Variants in DGKB observed in about 807,000 individuals in gnomAD.
The protein encoded by DGKB is 90 kDa diacylglycerol kinase.
A neutral mutation model predicts 114.3 loss-of-function variants in DGKB; 67 were observed. That is an observed-to-expected ratio of 0.59 (90% confidence interval 0.48 to 0.72). The LOEUF is 0.72. DGKB is among the 30% of genes least tolerant of loss of function. The pLI, the probability that DGKB is intolerant of heterozygous loss-of-function variation, is 0.00. For synonymous variants in DGKB, 398 were observed against 323.1 expected (o/e 1.23, Z -2.49); for missense variants, 907 against 975.2 (o/e 0.93, Z 0.93).
At chr7:14,347,280 A>G (rs1366037349) in intron 21 of DGKB, among the ~76,000 whole-genome samples, 1 of 152,014 alleles carries the variant, frequency 6.6e-6, no homozygotes, top group Non-Finnish European at 1.5e-5. Context: ...TTTTCAAAAT[A>G]CCTCAGATAA....
At chr7:14,715,543 C>G (rs770087742) in intron 6 of DGKB, among the ~76,000 whole-genome samples, 1 of 152,056 alleles carries the variant, frequency 6.6e-6, no homozygotes, top group Non-Finnish European at 1.5e-5. Flanking sequence ...CACACATGCA[C>G]GTATGCATGC....
intron 17 of DGKB, among the ~76,000 whole-genome samples, chr7:14,601,595 A>G (rs1803558613): frequency 6.6e-6 from 1 of 152,004 alleles, no homozygotes; most frequent in Admixed American, 6.6e-5. Flanking sequence ...TTTCTCTCTT[A>G]TTACATCTTA....
At chr7:14,627,913 A>C (rs2128834128) in intron 14 of DGKB, among the ~76,000 whole-genome samples, 1 of 151,086 alleles carries the variant, frequency 6.6e-6, no homozygotes, top group South Asian at 2.1e-4. Context: ...ACTGTACTCC[A>C]GCCTGGGAGA....
At position 14,282,945 on chromosome 7, in the gene DGKB, A is replaced by C. The variant is rs569979547; in HGVS notation, c.2122+55570T>G. Reference sequence around the variant, plus strand: ...AAAACTGGAAGCATTCCCTTTGAAAACTGGCACAAGACAGGGATGCCCTCT... The same window carrying C: ...AAAACTGGAAGCATTCCCTTTGAAACCTGGCACAAGACAGGGATGCCCTCT... On this transcript the variant is annotated intron_variant, in intron 23 of 25. Coordinates refer to ENST00000402815, the MANE Select transcript of DGKB (RefSeq NM_001350709.2). Among the ~76,000 whole-genome samples, 162 of 152,100 alleles carry C rather than the reference A, an allele frequency of 1.1e-3. 3 individuals carry two copies. In the East Asian group the frequency reaches 0.028, roughly 26 times the overall value.
At chr7:14,900,061 G>C (rs1782757968) in intron 1 of DGKB, among the ~76,000 whole-genome samples, 1 of 152,110 alleles carries the variant, frequency 6.6e-6, no homozygotes, top group Admixed American at 6.6e-5. Context: ...TAAAGCTCTT[G>C]ACACAGTATG....
At chr7:14,544,115 A>G (rs1793915178) in intron 20 of DGKB, among the ~76,000 whole-genome samples, 1 of 152,220 alleles carries the variant, frequency 6.6e-6, no homozygotes, top group South Asian at 2.1e-4. Flanking sequence ...TAGATATAAG[A>G]CAATCATTTG....
intron 13 of DGKB, among the ~76,000 whole-genome samples, chr7:14,660,701 T>C (rs1276618191): frequency 1.3e-5 from 2 of 151,936 alleles, no homozygotes; most frequent in Non-Finnish European, 2.9e-5. Context: ...TGGAAAAAAC[T>C]ACTTTAAAGT....
chr7:14,938,067 C>G (rs1785369171), intron 1 of DGKB, among the ~76,000 whole-genome samples: 1 of 152,082 alleles, frequency 6.6e-6, no homozygotes, highest in Admixed American at 6.6e-5. Flanking sequence ...CTAACCCATA[C>G]ATTGTTTAAG....
intron 5 of DGKB, among the ~76,000 whole-genome samples, chr7:14,731,960 G>A (rs1045564990): frequency 2.0e-5 from 3 of 152,092 alleles, no homozygotes; most frequent in African/African-American, 4.8e-5. Context: ...TAGGTGATAA[G>A]AGGCACTTAT....
intron 1 of DGKB, among the ~76,000 whole-genome samples, chr7:14,886,274 G>T (rs1562814230): frequency 6.6e-6 from 1 of 151,812 alleles, no homozygotes; most frequent in Non-Finnish European, 1.5e-5. Flanking sequence ...AGCTGACGGA[G>T]ATCTGAACAT....
chr7:14,862,187 G>T (rs1406959587), intron 1 of DGKB, among the ~76,000 whole-genome samples: 1 of 151,868 alleles, frequency 6.6e-6, no homozygotes, highest in African/African-American at 2.4e-5. Flanking sequence ...GTATACTCAA[G>T]GCATACAAGG....
intron 21 of DGKB, among the ~76,000 whole-genome samples, chr7:14,443,934 T>A (rs926867799): frequency 6.6e-6 from 1 of 151,802 alleles, no homozygotes; most frequent in East Asian, 1.9e-4. Context: ...CTTCTCTACT[T>A]AATATTTAAT....
At chr7:14,326,618 C>A (rs1331477125) in intron 23 of DGKB, among the ~76,000 whole-genome samples, 1 of 151,998 alleles carries the variant, frequency 6.6e-6, no homozygotes, top group Admixed American at 6.6e-5. Context: ...AGAAGGAATT[C>A]CCTTCTCCTG....
chr7:14,273,015 G>A (rs1192481097), intron 23 of DGKB, among the ~76,000 whole-genome samples: 4 of 152,160 alleles, frequency 2.6e-5, no homozygotes, highest in Non-Finnish European at 5.9e-5. Flanking sequence ...GTGACCAAAT[G>A]TGTTTGTTAC....
At chr7:14,352,488 C>G (rs940856487) in intron 21 of DGKB, among the ~76,000 whole-genome samples, 1 of 111,474 alleles carries the variant, frequency 9.0e-6, no homozygotes, top group African/African-American at 4.0e-5. Flanking sequence ...AGTAGTGATC[C>G]CACATTGCAG....
Position 14,516,851 on chromosome 7 carries a change from G to C in DGKB, c.1771-38626C>G, listed in dbSNP as rs572011198. On this transcript the variant is annotated intron_variant, in intron 20 of 25. Coordinates refer to ENST00000402815, the MANE Select transcript of DGKB (RefSeq NM_001350709.2). ...ACACATCCATGCTCATGGACAGGAA[G>C]AGACAATATTGTTCAGATGGCCATA... Among the ~76,000 whole-genome samples the C allele has an allele frequency of 1.1e-4, 16 of 152,146 alleles. No individual in the cohort carries two copies. The South Asian group carries it at 3.3e-3, about 32-fold the overall frequency.
intron 20 of DGKB, among the ~76,000 whole-genome samples, chr7:14,540,418 C>A (rs1563449636): frequency 6.6e-6 from 1 of 152,078 alleles, no homozygotes; most frequent in Admixed American, 6.6e-5. Flanking sequence ...AACAAAAGTT[C>A]ATGGCCCAAA....
At chr7:14,308,995 C>T (rs1369318243) in intron 23 of DGKB, among the ~76,000 whole-genome samples, 1 of 152,080 alleles carries the variant, frequency 6.6e-6, no homozygotes, top group Non-Finnish European at 1.5e-5. Flanking sequence ...GAAGGAGGAT[C>T]GCTTGAGCCC....
chr7:14,910,363 A>G (rs1783940689), intron 1 of DGKB, among the ~76,000 whole-genome samples: 1 of 151,996 alleles, frequency 6.6e-6, no homozygotes, highest in Non-Finnish European at 1.5e-5. Context: ...ACAAAACAAA[A>G]CAAAAAACAC....
Sources: gnomAD v4.1 joint callset for allele counts (sites outside exome capture counted in the v4.1 genomes callset) on GRCh38, gnomAD v4.1.1 for gene constraint, MANE v1.5 for transcripts, NCBI Gene and HGNC (gene_info 2026-07-23, HGNC 2026-07-21) for gene names.